The following CSMD2 variants were observed in gnomAD, a reference collection of about 807,000 sequenced individuals.
The protein encoded by CSMD2 is CUB and sushi domain-containing protein 2.
A neutral mutation model predicts 398.5 loss-of-function variants in CSMD2; 130 were observed. The ratio of observed to expected loss-of-function variants is 0.33; its 90% CI spans 0.28 to 0.38. The LOEUF (loss-of-function observed/expected upper bound fraction) is 0.38. Ranked by LOEUF, CSMD2 falls within the 10% of genes least tolerant of loss-of-function variation. The probability of loss-of-function intolerance (pLI) is 1.00; values close to 1 mark genes in which losing one functional copy is unlikely to be tolerated. For synonymous variants in CSMD2, 1,828 were observed against 1,908.5 expected, an observed-to-expected ratio of 0.96 and a Z score of 1.10; for missense variants, 3,829 against 4,764.9, an observed-to-expected ratio of 0.80 and a Z score of 5.78.
At chr1:34,108,414 T>C (rs747348349) in intron 1 of CSMD2, among the ~76,000 whole-genome samples, 1 of 152,160 alleles carries the variant, frequency 6.6e-6, no homozygotes, top group Non-Finnish European at 1.5e-5. Flanking sequence ...CCCCTCTATC[T>C]ATGGAATGAG....
At chr1:33,717,062 C>T (rs1193253702) in intron 19 of CSMD2, among the ~76,000 whole-genome samples, 1 of 152,030 alleles carries the variant, frequency 6.6e-6, no homozygotes, top group East Asian at 1.9e-4. Flanking sequence ...TAAAAGGATG[C>T]ACAGGAATTA....
At chr1:33,976,773 T>C (rs1645981804) in intron 3 of CSMD2, among the ~76,000 whole-genome samples, 1 of 152,152 alleles carries the variant, frequency 6.6e-6, no homozygotes. Flanking sequence ...ATTTATAAGG[T>C]AGGACACTAA....
chr1:33,593,614 C>T (rs1236063780), intron 44 of CSMD2, among the ~76,000 whole-genome samples: 5 of 152,164 alleles, frequency 3.3e-5, no homozygotes, highest in Non-Finnish European at 1.5e-5. Flanking sequence ...TCAGGTTCTT[C>T]CCACAACATG....
At chr1:33,555,550 C>A (rs1418612782) in intron 55 of CSMD2, among the ~76,000 whole-genome samples, 1 of 152,156 alleles carries the variant, frequency 6.6e-6, no homozygotes, top group Non-Finnish European at 1.5e-5. Flanking sequence ...TACAGAGAAA[C>A]CTTTCATGAA....
At chr1:33,643,705 C>A (rs948718111) in intron 29 of CSMD2, among the ~76,000 whole-genome samples, 92 of 152,108 alleles carry the variant, frequency 6.0e-4, no homozygotes, top group African/African-American at 2.2e-3. Flanking sequence ...GGGAAAATAT[C>A]CTCAAAGCCA....
At chr1:33,659,221 G>A (rs980772002) in intron 26 of CSMD2, among the ~76,000 whole-genome samples, 2 of 152,210 alleles carry the variant, frequency 1.3e-5, no homozygotes, top group Admixed American at 6.5e-5. Flanking sequence ...AATGCTAGAT[G>A]GAAGGAATAC....
rs752996158 is a variant in CSMD2, at chr1:33,725,355, A to G, written c.2689T>C (p.Tyr897His). ...SHSDIGFQLR[Y>H]ETITLQSDHC... is the part of the protein sequence containing the mutation. ...TGAGCCCACTGAGACTCACTCTCAT[A>G]GCGGAGCTGGAAGCCGATGTCCGAG... is the stretch of plus-strand genomic sequence containing the variant. The change falls in exon 17 of 71, where the codon TAT becomes CAT. Residue 897 changes from tyrosine (Y) to histidine (H), a missense_variant. Tyr to His is a moderately conservative substitution (Grantham distance 83). Coordinates refer to ENST00000373381, the MANE Select transcript of CSMD2 (RefSeq NM_001281956.2). 4.3e-6 allele frequency: 7 copies of G among 1,613,616 alleles called. No homozygotes were observed. The highest frequency in any genetic ancestry group is 5.9e-6 in the Non-Finnish European group (7 of 1,179,736).
At position 33,571,650 on chromosome 1, in the gene CSMD2, C is replaced by A. The variant is rs1355655618; in HGVS notation, c.7839G>T (p.Gln2613His). The change falls in exon 51 of 71, where the codon CAG (glutamine) becomes CAT (histidine). Residue 2613 changes from glutamine to histidine, a missense_variant. Around this residue, in one of 5 missense-constraint regions of CSMD2, gnomAD observed 723 missense variants for 758.6 expected, o/e 0.95. Transcript: ENST00000373381. ...AGATGAGCATCAGCTGGGCCTGGAA[C>A]TGATACTGTGTCTCAAAGATAAGCC... Reference protein sequence around the residue: ...RWRLIFETQYQFQAQLMLICD... With the variant: ...RWRLIFETQYHFQAQLMLICD... 6.3e-7 allele frequency: 1 copy of A among 1,587,284 alleles called. No homozygotes were observed. Among genetic ancestry groups the A allele is most frequent in the East Asian group, 2.3e-5 (1 of 44,306 alleles).
rs142741685 is a variant in CSMD2 at position 34,139,599 on chromosome 1, C to A, written c.187+25312G>T. Among the ~76,000 whole-genome samples the A allele has an allele frequency of 7.2e-5, 11 of 152,310 alleles. No individual in the cohort carries two copies. In the East Asian group the frequency reaches 2.1e-3, roughly 29 times the overall value. On this transcript the variant is annotated intron_variant, in intron 1 of 70. Coordinates refer to ENST00000373381, the MANE Select transcript of CSMD2 (RefSeq NM_001281956.2). ...ATAAGCTACAGAAAGCAGACAGAGT[C>A]ACAAACATAAACTGACATACCCACA...
chr1:33,881,824 G>A lies in CSMD2; in HGVS notation c.921-34828C>T, dbSNP rs185255651. Among the ~76,000 whole-genome samples the A allele has an allele frequency of 3.3e-5, 5 of 152,070 alleles. No homozygotes were observed. In the East Asian group the frequency reaches 9.6e-4, roughly 29 times the overall value. On this transcript the variant is annotated intron_variant, in intron 5 of 70. Transcript: ENST00000373381. ...ACTGTGTATTTAAACTACATATTCA[G>A]TTTTGTATATTAATTTTTTAACTTA...
intron 25 of CSMD2, among the ~76,000 whole-genome samples, chr1:33,682,679 G>A (rs1039690023): frequency 3.9e-5 from 6 of 152,000 alleles, no homozygotes; most frequent in Non-Finnish European, 7.4e-5. Context: ...TGTGTGAGTC[G>A]GTTTTGCCAA....
At chr1:34,001,596 C>T (rs1646904904) in intron 3 of CSMD2, among the ~76,000 whole-genome samples, 1 of 152,156 alleles carries the variant, frequency 6.6e-6, no homozygotes, top group African/African-American at 2.4e-5. Flanking sequence ...AATACAACAC[C>T]CATGAACCTT....
chr1:34,105,448 T>C (rs1660438308), intron 1 of CSMD2, among the ~76,000 whole-genome samples: 1 of 152,164 alleles, frequency 6.6e-6, no homozygotes, highest in Non-Finnish European at 1.5e-5. Flanking sequence ...AAGTCAGAAA[T>C]ACTTTTTCTA....
At chr1:34,122,524 T>C (rs1662296929) in intron 1 of CSMD2, among the ~76,000 whole-genome samples, 1 of 152,100 alleles carries the variant, frequency 6.6e-6, no homozygotes, top group Non-Finnish European at 1.5e-5. Flanking sequence ...GTGGGTGAAT[T>C]TCCTCTCTGG....
chr1:33,853,368 G>A (rs1420928953), intron 5 of CSMD2, among the ~76,000 whole-genome samples: 1 of 152,146 alleles, frequency 6.6e-6, no homozygotes, highest in Non-Finnish European at 1.5e-5. Flanking sequence ...TTTACCCAGT[G>A]GGGTACAGTT....
In CSMD2 at chr1:33,915,824, C is replaced by G. The variant is rs183964254; in HGVS notation, c.920+2270G>C. On this transcript the variant is annotated intron_variant, in intron 5 of 70. Transcript: ENST00000373381. ...ATGCTACATAGCCCGGAAAACTCAT[C>G]ACAGATATCGCATGTCATAATAGCA... is the stretch of plus-strand genomic sequence containing the variant. 3.0e-3 allele frequency among the ~76,000 whole-genome samples: 460 copies of G among 152,300 alleles called. 3 individuals are homozygous for G. The highest frequency in any genetic ancestry group is 0.011 in the African/African-American group (440 of 41,562).
At chr1:33,931,031 T>C (rs1031389957) in intron 4 of CSMD2, among the ~76,000 whole-genome samples, 1 of 152,264 alleles carries the variant, frequency 6.6e-6, no homozygotes, top group East Asian at 1.9e-4. Flanking sequence ...AGCTTTGGAC[T>C]TAAAGAGATT....
chr1:33,598,672 T>A (rs1639997002), intron 44 of CSMD2: 1 of 146,064 alleles, frequency 6.8e-6, no homozygotes, highest in African/African-American at 2.6e-5. Flanking sequence ...TGTGTTTTTT[T>A]TTTTTTTTTT....
intron 2 of CSMD2, among the ~76,000 whole-genome samples, chr1:34,080,921 G>GGAAA (rs10522397): frequency 0.13 from 15,714 of 124,594 alleles, 1,290 homozygotes; most frequent in Middle Eastern, 0.21. Context: ...CTAACTGAGT[G>GGAAA]GAAAGAAAGA....
Sources: allele counts gnomAD v4.1 joint callset (sites outside exome capture counted in the v4.1 genomes callset), GRCh38; gene constraint gnomAD v4.1.1; regional missense constraint gnomAD v4.1.1; transcripts MANE v1.5; gene names NCBI Gene and HGNC (gene_info 2026-07-23, HGNC 2026-07-21).